The following GRID2 variants were observed in gnomAD, a reference collection of about 807,000 sequenced individuals.
The protein encoded by GRID2 is glutamate ionotropic receptor delta type subunit 2.
Under a neutral mutation model 114.8 loss-of-function variants are expected in GRID2, and 33 were observed. The ratio of observed to expected loss-of-function variants is 0.29; its 90% CI spans 0.22 to 0.38. The LOEUF is 0.38. Among genes scored for constraint, GRID2 ranks in the 10% least tolerant of loss-of-function variants. The pLI, the probability that GRID2 is intolerant of heterozygous loss-of-function variation, is 1.00. For missense variants in GRID2, 1,184 were observed against 1,257.7 expected (o/e 0.94, Z 0.89); for synonymous variants, 505 against 449.9 (o/e 1.12, Z -1.55).
rs535418152 is a variant in GRID2, at chr4:92,847,594, C to T, written c.245-237401C>T. On this transcript the variant is annotated intron_variant, in intron 2 of 15. Coordinates refer to ENST00000282020, the MANE Select transcript of GRID2 (RefSeq NM_001510.4). Reference sequence around the variant, plus strand: ...TAACATAAAGAGATGTCTTCTACTTCAGATCTCTGTAATTTTAATATAGCT... The same window carrying T: ...TAACATAAAGAGATGTCTTCTACTTTAGATCTCTGTAATTTTAATATAGCT... Among the ~76,000 whole-genome samples, 3 of 152,152 alleles carry T rather than the reference C, an allele frequency of 2.0e-5. No homozygotes were observed. The South Asian group carries it at 6.2e-4, about 32-fold the overall frequency.
At chr4:92,654,362 A>G (rs1004293648) in intron 2 of GRID2, among the ~76,000 whole-genome samples, 2 of 152,026 alleles carry the variant, frequency 1.3e-5, no homozygotes, top group Admixed American at 1.3e-4. Context: ...ACACCTTCTA[A>G]TACCATCACA....
chr4:92,619,472 G>C lies in GRID2; in HGVS notation c.244+29186G>C, dbSNP rs116709338. On this transcript the variant is annotated intron_variant, in intron 2 of 15. Coordinates refer to ENST00000282020, the MANE Select transcript of GRID2 (RefSeq NM_001510.4). ...TGACTAGTATTCTAATCTGTTGCTTGACCAAGCTTGTATTGCAACCTCAGG... is the reference window on the plus strand; with the variant it reads ...TGACTAGTATTCTAATCTGTTGCTTCACCAAGCTTGTATTGCAACCTCAGG... Among the ~76,000 whole-genome samples the C allele has an allele frequency of 8.5e-3, 1,288 of 151,754 alleles. 17 individuals are homozygous for C. The highest frequency in any genetic ancestry group is 0.065 in the East Asian group (335 of 5,128).
intron 2 of GRID2, among the ~76,000 whole-genome samples, chr4:92,952,431 C>G (rs1402365031): frequency 3.9e-5 from 6 of 152,124 alleles, no homozygotes; most frequent in African/African-American, 1.2e-4. Context: ...AAATTATGAT[C>G]AAAACATGAA....
chr4:93,801,458 A>T (rs1044010843), intron 1 of GRID2, among the ~76,000 whole-genome samples: 1 of 152,050 alleles, frequency 6.6e-6, no homozygotes, highest in Non-Finnish European at 1.5e-5. Flanking sequence ...CACATAAAGT[A>T]TGATATGTGA....
chr4:93,277,499 A>G (rs1053997425), intron 8 of GRID2, among the ~76,000 whole-genome samples: 2 of 151,904 alleles, frequency 1.3e-5, no homozygotes, highest in African/African-American at 4.8e-5. Context: ...CTCTGTGGTC[A>G]GTTAATATTT....
chr4:93,715,027 T>A (rs148450082), intron 14 of GRID2, among the ~76,000 whole-genome samples: 6,411 of 152,296 alleles, frequency 0.042, 219 homozygotes, highest in African/African-American at 0.084. Flanking sequence ...CTGAATGGTA[T>A]TGCCTAGATT....
intron 1 of GRID2, among the ~76,000 whole-genome samples, chr4:92,379,376 A>C (rs1729508978): frequency 6.6e-6 from 1 of 152,002 alleles, no homozygotes; most frequent in Non-Finnish European, 1.5e-5. Flanking sequence ...ATATGGAGAT[A>C]TGGAGAGTGC....
intron 3 of GRID2, among the ~76,000 whole-genome samples, chr4:93,099,598 A>T (rs1183267243): frequency 1.3e-5 from 2 of 151,876 alleles, no homozygotes; most frequent in Non-Finnish European, 2.9e-5. Context: ...ACCCATATGC[A>T]CAAAAACAAA....
intron 14 of GRID2, among the ~76,000 whole-genome samples, chr4:93,768,723 A>T (rs762224414): frequency 6.6e-6 from 1 of 152,226 alleles, no homozygotes; most frequent in Non-Finnish European, 1.5e-5. Flanking sequence ...TGTGTGTAGC[A>T]TATGCTGGGT....
intron 1 of GRID2, among the ~76,000 whole-genome samples, chr4:93,805,141 C>T (rs1050170444): frequency 6.6e-6 from 1 of 152,176 alleles, no homozygotes; most frequent in Admixed American, 6.5e-5. Flanking sequence ...CTTCACACTG[C>T]ATGCTAGTCT....
intron 2 of GRID2, among the ~76,000 whole-genome samples, chr4:92,829,390 C>T (rs1406176551): frequency 6.6e-6 from 1 of 152,106 alleles, no homozygotes; most frequent in Non-Finnish European, 1.5e-5. Flanking sequence ...CAACAGGATA[C>T]CATCTCATGC....
At chr4:92,925,042 A>G (rs1749697313) in intron 2 of GRID2, among the ~76,000 whole-genome samples, 1 of 152,106 alleles carries the variant, frequency 6.6e-6, no homozygotes, top group South Asian at 2.1e-4. Context: ...CATATGAATT[A>G]ATCTAAGCAA....
chr4:92,354,260 G>C (rs1728211124), intron 1 of GRID2, among the ~76,000 whole-genome samples: 1 of 151,960 alleles, frequency 6.6e-6, no homozygotes, highest in Non-Finnish European at 1.5e-5. Flanking sequence ...CTGTTTTTAA[G>C]TTGACTTTTT....
intron 14 of GRID2, among the ~76,000 whole-genome samples, chr4:93,756,700 G>A (rs577940933): frequency 3.9e-5 from 6 of 152,216 alleles, no homozygotes; most frequent in South Asian, 2.1e-4. Context: ...GGGGCTTAGC[G>A]CTTCATCATA....
rs563652361 is a variant in GRID2 at position 93,678,427 on chromosome 4, T to C, written c.2360+51992T>C. ...ATTCAGATTCAGGAAATACAGAGAATGCCACAAAGCTACTCCTCGAGAAGA... is the reference window on the plus strand; with the variant it reads ...ATTCAGATTCAGGAAATACAGAGAACGCCACAAAGCTACTCCTCGAGAAGA... On this transcript the variant is annotated intron_variant, in intron 14 of 15. Coordinates refer to ENST00000282020, the MANE Select transcript of GRID2 (RefSeq NM_001510.4). Among the ~76,000 whole-genome samples, 7 of 151,964 alleles carry C rather than the reference T, an allele frequency of 4.6e-5. No individual in the cohort carries two copies. In the South Asian group the frequency reaches 6.2e-4, roughly 14 times the overall value.
intron 2 of GRID2, among the ~76,000 whole-genome samples, chr4:93,001,379 A>G (rs1196574606): frequency 1.3e-5 from 2 of 151,634 alleles, no homozygotes; most frequent in Non-Finnish European, 3.0e-5. Flanking sequence ...GGAGAGAGGA[A>G]CCAAGTGTCA....
intron 1 of GRID2, among the ~76,000 whole-genome samples, chr4:92,379,959 C>T (rs1182217421): frequency 2.6e-5 from 4 of 151,854 alleles, no homozygotes; most frequent in Non-Finnish European, 4.4e-5. Context: ...ATACTTGTTG[C>T]TTTGGAGAAG....
chr4:93,114,190 C>T (rs1579027966), intron 4 of GRID2, among the ~76,000 whole-genome samples: 1 of 152,064 alleles, frequency 6.6e-6, no homozygotes, highest in East Asian at 1.9e-4. Flanking sequence ...ATTCATGAAG[C>T]TCTGCCAGGG....
chr4:92,532,204 A>C (rs1269032618), intron 1 of GRID2, among the ~76,000 whole-genome samples: 1 of 152,166 alleles, frequency 6.6e-6, no homozygotes, highest in African/African-American at 2.4e-5. Flanking sequence ...TGAATGGTTT[A>C]CAGGAATACT....
Sources: gnomAD v4.1 joint callset for allele counts (sites outside exome capture counted in the v4.1 genomes callset) on GRCh38, gnomAD v4.1.1 for gene constraint, MANE v1.5 for transcripts, NCBI Gene and HGNC (gene_info 2026-07-23, HGNC 2026-07-21) for gene names.